KITLG: variants seen among roughly 807,000 people sequenced by gnomAD.
KITLG encodes c-Kit ligand.
KITLG carries 13 observed loss-of-function variants against 34.1 expected under a neutral mutation model. That is an observed-to-expected ratio of 0.38 (90% CI 0.25 to 0.61). The LOEUF (loss-of-function observed/expected upper bound fraction) is 0.61. KITLG is among the 20% of genes least tolerant of loss of function. The pLI is 0.60. For missense variants in KITLG, 292 were observed against 318.9 expected (o/e 0.92, Z 0.64); for synonymous variants, 110 against 104.0 (o/e 1.06, Z -0.35).
rs41283110 is a variant in KITLG, at chr12:88,506,969, A to G, written c.714+59T>C. ...TTAAAGGATCATTTCTTGAGGAAAA[A>G]AAGATGATAATTTATGTAAACATAG... On this transcript the variant is annotated intron_variant, in intron 7 of 9. Coordinates refer to ENST00000644744, the MANE Select transcript of KITLG (RefSeq NM_000899.5). The G allele has an allele frequency of 5.4e-3, 5,130 of 955,100 alleles. 27 individuals are homozygous for G. Among genetic ancestry groups the G allele is most frequent in the Middle Eastern group, 0.013 (53 of 4,080 alleles). The allele number at this position is 955,100 out of a possible 1,614,324, so 59.2% of individuals were successfully genotyped here.
At chr12:88,498,581 G>C (rs1868730682) in intron 9 of KITLG, among the ~76,000 whole-genome samples, 1 of 152,034 alleles carries the variant, frequency 6.6e-6, no homozygotes, top group Admixed American at 6.6e-5. Context: ...TTAATATAGA[G>C]AATTAAATAT....
At chr12:88,544,427 T>C (rs1870634274) in intron 2 of KITLG, among the ~76,000 whole-genome samples, 1 of 151,982 alleles carries the variant, frequency 6.6e-6, no homozygotes, top group South Asian at 2.1e-4. Context: ...ACACATACTG[T>C]CCTTTTAGTA....
intron 1 of KITLG, among the ~76,000 whole-genome samples, chr12:88,562,143 C>T (rs1224402195): frequency 6.6e-6 from 1 of 152,210 alleles, no homozygotes. Context: ...GGTCCTTTCT[C>T]ATAGTACATA....
intron 4 of KITLG, among the ~76,000 whole-genome samples, chr12:88,517,007 T>A (rs188108334): frequency 2.5e-4 from 38 of 151,918 alleles, no homozygotes; most frequent in Non-Finnish European, 3.8e-4. Context: ...ATCCTGTGAC[T>A]CAGAAATTCC....
chr12:88,541,570 T>C (rs1376529025), intron 2 of KITLG, among the ~76,000 whole-genome samples: 1 of 152,130 alleles, frequency 6.6e-6, no homozygotes, highest in South Asian at 2.1e-4. Context: ...ACTACTAAAA[T>C]CTGCAACCTA....
intron 9 of KITLG, among the ~76,000 whole-genome samples, chr12:88,498,747 C>T (rs1436842097): frequency 6.6e-6 from 1 of 152,026 alleles, no homozygotes. Flanking sequence ...TGTTAGTGCA[C>T]ATCTGTAGTC....
intron 6 of KITLG, among the ~76,000 whole-genome samples, chr12:88,514,887 T>C (rs761233179): frequency 4.6e-5 from 7 of 151,756 alleles, no homozygotes; most frequent in Admixed American, 6.6e-5. Context: ...GCACCTTCCA[T>C]GAGGCTAGAG....
chr12:88,540,509 C>A (rs1312322588), intron 2 of KITLG, among the ~76,000 whole-genome samples: 2 of 152,002 alleles, frequency 1.3e-5, no homozygotes, highest in African/African-American at 2.4e-5. Flanking sequence ...TCTAAAAAAC[C>A]AAGGAGCAGG....
At chr12:88,570,977 G>A (rs1229149526) in intron 1 of KITLG, among the ~76,000 whole-genome samples, 1 of 152,142 alleles carries the variant, frequency 6.6e-6, no homozygotes, top group Non-Finnish European at 1.5e-5. Context: ...ACAGAAAGGG[G>A]AGAAAAGTAA....
chr12:88,523,810 T>C (rs1869768498), intron 3 of KITLG, among the ~76,000 whole-genome samples: 1 of 152,220 alleles, frequency 6.6e-6, no homozygotes, highest in Non-Finnish European at 1.5e-5. Flanking sequence ...ATTTTAGTCC[T>C]CTCCCTAAAC....
chr12:88,562,402 T>G (rs1050263828), intron 1 of KITLG, among the ~76,000 whole-genome samples: 6 of 152,242 alleles, frequency 3.9e-5, no homozygotes, highest in Non-Finnish European at 8.8e-5. Flanking sequence ...CAACCAGTTT[T>G]GCTTATTATC....
rs1868544278 is a variant in KITLG, at chr12:88,494,690, C to T, written c.*2529G>A. The T allele has an allele frequency of 6.6e-6, 1 of 152,262 alleles. No individual in the cohort carries two copies. Among genetic ancestry groups the T allele is most frequent in the Non-Finnish European group, 1.5e-5 (1 of 67,888 alleles). The allele number at this position is 152,262 out of a possible 1,614,324, so 9.4% of individuals were successfully genotyped here. On this transcript the variant is annotated 3_prime_UTR_variant, in exon 10 of 10. Coordinates refer to ENST00000644744, the MANE Select transcript of KITLG (RefSeq NM_000899.5). ...AGACCTGGTTTCTACCAAAGAGGTG[C>T]AAAGCTTTCAGTATCATTGAGAATC...
chr12:88,514,379 A>G (rs1380774337), intron 6 of KITLG, among the ~76,000 whole-genome samples: 2 of 151,640 alleles, frequency 1.3e-5, no homozygotes, highest in African/African-American at 4.8e-5. Flanking sequence ...TCCTTTGAAA[A>G]TGTTAATAAA....
At chr12:88,529,011 C>T (rs1011786076) in intron 3 of KITLG, among the ~76,000 whole-genome samples, 5 of 152,070 alleles carry the variant, frequency 3.3e-5, no homozygotes, top group Admixed American at 6.6e-5. Context: ...TGGAATGTTC[C>T]TAACACAAAG....
intron 2 of KITLG, among the ~76,000 whole-genome samples, chr12:88,542,142 A>T (rs1187420469): frequency 6.6e-6 from 1 of 152,180 alleles, no homozygotes; most frequent in Non-Finnish European, 1.5e-5. Context: ...AAAAAACATC[A>T]TTATGGAATA....
At chr12:88,497,451 G>T (rs1873680) in intron 9 of KITLG, among the ~76,000 whole-genome samples, 11,744 of 152,106 alleles carry the variant, frequency 0.077, 500 homozygotes, top group Non-Finnish European at 0.1. Context: ...GCTCCATGAG[G>T]GCAGGGAGCT....
At chr12:88,515,729 C>G (rs1357789874) in intron 5 of KITLG, 112 bp from the exon 6 acceptor site, 1 of 746,092 alleles carries the variant, frequency 1.3e-6, no homozygotes, top group Non-Finnish European at 2.4e-6. Context: ...CTTCCCAAAT[C>G]TAGAGTATTC....
At chr12:88,571,917 T>G (rs1871665693) in intron 1 of KITLG, among the ~76,000 whole-genome samples, 1 of 152,184 alleles carries the variant, frequency 6.6e-6, no homozygotes, top group Non-Finnish European at 1.5e-5. Flanking sequence ...GACCTTGTCT[T>G]AGTTTTCCTA....
At chr12:88,518,283 G>A (rs1214710821) in intron 4 of KITLG, among the ~76,000 whole-genome samples, 1 of 152,174 alleles carries the variant, frequency 6.6e-6, no homozygotes, top group East Asian at 1.9e-4. Flanking sequence ...ACTTTGAGGA[G>A]CCAAAATGTA....
Sources: gnomAD v4.1 joint callset for allele counts (sites outside exome capture counted in the v4.1 genomes callset) on GRCh38, gnomAD v4.1.1 for gene constraint, MANE v1.5 for transcripts, NCBI Gene and HGNC (gene_info 2026-07-23, HGNC 2026-07-21) for gene names.